NEGR1: variants seen among roughly 807,000 people sequenced by gnomAD.
The protein encoded by NEGR1 is neuronal growth regulator 1.
In NEGR1, 10 loss-of-function variants were observed where a neutral mutation model predicts 40.9. The observed-to-expected ratio is 0.24, with a 90% CI of 0.15 to 0.42. The LOEUF (loss-of-function observed/expected upper bound fraction) is 0.42, where lower values mean the gene tolerates loss of function less well. NEGR1 is among the 10% of genes least tolerant of loss of function. NEGR1 has a pLI of 1.00. For missense variants in NEGR1, 352 were observed against 438.9 expected (o/e 0.80, Z 1.77); for synonymous variants, 185 against 166.8 (o/e 1.11, Z -0.84).
intron 6 of NEGR1, among the ~76,000 whole-genome samples, chr1:71,448,312 G>T (rs1448683609): frequency 6.6e-6 from 1 of 151,936 alleles, no homozygotes; most frequent in East Asian, 1.9e-4. Flanking sequence ...GTAAGAAGTG[G>T]CTGAGGCTGG....
At chr1:72,038,185 G>T (rs1422683141) in intron 1 of NEGR1, among the ~76,000 whole-genome samples, 1 of 151,968 alleles carries the variant, frequency 6.6e-6, no homozygotes, top group African/African-American at 2.4e-5. Flanking sequence ...AAATAAGTCT[G>T]TTATATCCAT....
At chr1:72,135,413 AAAC>A (rs1157023417) in intron 1 of NEGR1, among the ~76,000 whole-genome samples, 3 of 104,642 alleles carry the variant, frequency 2.9e-5, no homozygotes, top group African/African-American at 6.9e-5. Context: ...ACAAAAAAAA[AAAC>A]AAAACCAAAA....
intron 6 of NEGR1, among the ~76,000 whole-genome samples, chr1:71,429,671 G>T (rs188604064): frequency 6.6e-6 from 1 of 152,168 alleles, no homozygotes; most frequent in Admixed American, 6.5e-5. Flanking sequence ...TAAAACATTG[G>T]GTAGGGATGA....
intron 4 of NEGR1, 152 bp from the exon 5 acceptor site, chr1:71,611,298 A>AGTGTTT: frequency 1.5e-6 from 1 of 689,610 alleles, no homozygotes; most frequent in Non-Finnish European, 2.4e-6. Context: ...TTTATGCTTC[A>AGTGTTT]AATACAAGAC....
intron 1 of NEGR1, among the ~76,000 whole-genome samples, chr1:72,160,793 A>G (rs1220866777): frequency 1.3e-5 from 2 of 152,180 alleles, no homozygotes. Flanking sequence ...ATTTAAGATT[A>G]CCTGAAGGTA....
chr1:72,072,737 A>G (rs1647523288), intron 1 of NEGR1, among the ~76,000 whole-genome samples: 1 of 120,202 alleles, frequency 8.3e-6, no homozygotes, highest in Non-Finnish European at 1.9e-5. Flanking sequence ...CTTGATTCTC[A>G]GCACTCCCTG....
chr1:71,698,070 T>G lies in NEGR1; in HGVS notation c.605A>C (p.Glu202Ala). ...GITRDQAGEYECSAENDVSFP... is the reference protein window; with the variant it reads ...GITRDQAGEYACSAENDVSFP... ...TGACACATCATTTTCCGCACTGCAT[T>G]CATATTCCCCAGCCTGGTCCCTTGT... The change falls in exon 4 of 7, where the codon GAA becomes GCA. Residue 202 changes from glutamate (E) to alanine (A), a missense_variant. Physicochemically the swap from Glu to Ala is moderately radical, Grantham distance 107. This residue lies in a region of NEGR1 where 184 missense variants were observed against 208.7 expected (regional missense o/e 0.88). Coordinates refer to ENST00000357731, the MANE Select transcript of NEGR1 (RefSeq NM_173808.3). The G allele has an allele frequency of 1.9e-6, 3 of 1,611,344 alleles. No individual in the cohort carries two copies. The highest frequency in any genetic ancestry group is 2.5e-6 in the Non-Finnish European group (3 of 1,178,004).
At chr1:71,789,171 C>CA (rs2101733080) in intron 2 of NEGR1, among the ~76,000 whole-genome samples, 1 of 152,212 alleles carries the variant, frequency 6.6e-6, no homozygotes, top group African/African-American at 2.4e-5. Flanking sequence ...ACTCTGTATT[C>CA]ATCCCTGTGG....
chr1:71,614,388 T>C (rs1650373050), intron 4 of NEGR1, among the ~76,000 whole-genome samples: 1 of 152,122 alleles, frequency 6.6e-6, no homozygotes, highest in African/African-American at 2.4e-5. Context: ...AATCATTTCA[T>C]AATTTTAAAA....
At chr1:71,732,369 A>T (rs1278844938) in intron 3 of NEGR1, among the ~76,000 whole-genome samples, 9 of 152,192 alleles carry the variant, frequency 5.9e-5, no homozygotes, top group Non-Finnish European at 7.3e-5. Flanking sequence ...TTTCACAAGT[A>T]TATAAGAAAT....
chr1:71,900,700 T>C (rs1661120455), intron 2 of NEGR1, among the ~76,000 whole-genome samples: 1 of 152,208 alleles, frequency 6.6e-6, no homozygotes, highest in South Asian at 2.1e-4. Context: ...ATTTGAACTG[T>C]AACCACAATG....
intron 6 of NEGR1, among the ~76,000 whole-genome samples, chr1:71,430,349 C>T (rs761135175): frequency 2.4e-4 from 37 of 152,156 alleles, no homozygotes; most frequent in Non-Finnish European, 3.5e-4. Flanking sequence ...CCTAACATAT[C>T]CTTCCTCTGC....
chr1:71,608,495 CTT>C (rs5775073), intron 5 of NEGR1, among the ~76,000 whole-genome samples: 2 of 138,642 alleles, frequency 1.4e-5, no homozygotes, highest in Non-Finnish European at 3.1e-5. Flanking sequence ...ATTACTGTAG[CTT>C]TTTTTTTTTT....
At chr1:71,880,419 A>G (rs372281406) in intron 2 of NEGR1, among the ~76,000 whole-genome samples, 4 of 152,046 alleles carry the variant, frequency 2.6e-5, no homozygotes, top group South Asian at 2.1e-4. Flanking sequence ...TACTTAACCA[A>G]ATAATTCCTC....
At chr1:71,446,009 A>G (rs1348024669) in intron 6 of NEGR1, among the ~76,000 whole-genome samples, 2 of 152,254 alleles carry the variant, frequency 1.3e-5, no homozygotes, top group Non-Finnish European at 2.9e-5. Flanking sequence ...TTTTTTAAGA[A>G]ATTGTCAAAA....
At chr1:71,486,596 C>G (rs948543560) in intron 6 of NEGR1, 8 of 151,434 alleles carry the variant, frequency 5.3e-5, no homozygotes, top group Non-Finnish European at 1.2e-4. Context: ...TTTTTATCCT[C>G]TTATTGCTAG....
rs200300419 is a variant in NEGR1 at position 71,431,506 on chromosome 1, A to ATATT, written c.941-23940_941-23937dup. ...TATTTATCTGAAGGAAAGAGGATCA[A>ATATT]TATTTATTTATTTATTTATTTATCC... is the stretch of plus-strand genomic sequence containing the variant. On this transcript the variant is annotated intron_variant, in intron 6 of 6. Transcript: ENST00000357731. 1.5e-4 allele frequency among the ~76,000 whole-genome samples: 22 copies of ATATT among 149,850 alleles called. No homozygotes were observed. The South Asian group carries it at 1.5e-3, about 10-fold the overall frequency.
At chr1:71,617,248 G>A (rs1301099542) in intron 4 of NEGR1, among the ~76,000 whole-genome samples, 2 of 152,134 alleles carry the variant, frequency 1.3e-5, no homozygotes, top group Non-Finnish European at 2.9e-5. Context: ...TTTAGGAGAG[G>A]CTGCTGTTCA....
chr1:71,624,363 C>T (rs1394741157), intron 4 of NEGR1, among the ~76,000 whole-genome samples: 1 of 151,882 alleles, frequency 6.6e-6, no homozygotes. Context: ...TTGGCTTTTG[C>T]TCCTGTTACA....
Sources: allele counts gnomAD v4.1 joint callset (sites outside exome capture counted in the v4.1 genomes callset), GRCh38; gene constraint gnomAD v4.1.1; regional missense constraint gnomAD v4.1.1; transcripts MANE v1.5; gene names NCBI Gene and HGNC (gene_info 2026-07-23, HGNC 2026-07-21).